TMPRSS15: variants seen among roughly 807,000 people sequenced by gnomAD.
TMPRSS15 encodes transmembrane serine protease 15.
Under a neutral mutation model 125.3 loss-of-function variants are expected in TMPRSS15, and 128 were observed. The observed-to-expected ratio is 1.02, with a 90% CI of 0.89 to 1.18. TMPRSS15 has a LOEUF of 1.18. Among genes scored for constraint, TMPRSS15 ranks in the 50% most tolerant of loss-of-function variants. TMPRSS15 has a pLI of 0.00. For missense variants in TMPRSS15, 1,283 were observed against 1,212.7 expected (o/e 1.06, Z -0.86); for synonymous variants, 446 against 423.2 (o/e 1.05, Z -0.66).
chr21:18,382,899 T>C (rs917846867), intron 4 of TMPRSS15, among the ~76,000 whole-genome samples: 1 of 152,210 alleles, frequency 6.6e-6, no homozygotes, highest in Non-Finnish European at 1.5e-5. Flanking sequence ...GTATTTTTTA[T>C]TATTTTTGAT....
intron 7 of TMPRSS15, among the ~76,000 whole-genome samples, chr21:18,362,792 T>C (rs1229849526): frequency 6.6e-6 from 1 of 152,144 alleles, no homozygotes; most frequent in East Asian, 1.9e-4. Context: ...ACATAGTATT[T>C]AGAGATGTGG....
chr21:18,357,599 C>A (rs1268683083), intron 8 of TMPRSS15, among the ~76,000 whole-genome samples: 2 of 151,674 alleles, frequency 1.3e-5, no homozygotes, highest in African/African-American at 2.4e-5. Context: ...TGAAAGCAAA[C>A]CTTGTAAGCA....
intron 1 of TMPRSS15, among the ~76,000 whole-genome samples, chr21:18,424,559 C>T (rs953629047): frequency 9.2e-5 from 14 of 152,086 alleles, no homozygotes. Context: ...TGTTGTTTTG[C>T]TTAAAATAAG....
rs779171766 is a variant in TMPRSS15 at position 18,294,399 on chromosome 21, A to G, written c.2357T>C (p.Val786Ala). Residue 786 changes from valine to alanine, a missense_variant, in exon 21 of 25, where the codon GTT becomes GCT. By Grantham distance (64) the Val-to-Ala change is moderately conservative. Transcript: ENST00000284885. ...CCCTTCTTTGGCATTACTTCCTCCA[A>G]CAATCTTTGGGGTGATGTCTTGAGC... The part of the protein sequence containing the change: ...LAAQDITPKI[V>A]GGSNAKEGAW... 21 of 1,614,132 alleles carry G rather than the reference A, an allele frequency of 1.3e-5. No individual in the cohort carries two copies. Among genetic ancestry groups the G allele is most frequent in the South Asian group, 3.3e-5 (3 of 91,090 alleles).
At chr21:18,430,464 G>A (rs918921362) in intron 1 of TMPRSS15, among the ~76,000 whole-genome samples, 2 of 151,870 alleles carry the variant, frequency 1.3e-5, no homozygotes, top group South Asian at 2.1e-4. Flanking sequence ...AATTCTATGG[G>A]GATAGATTCA....
At chr21:18,344,562 AAC>A (rs753291853) in intron 10 of TMPRSS15, among the ~76,000 whole-genome samples, 1 of 152,204 alleles carries the variant, frequency 6.6e-6, no homozygotes, top group Non-Finnish European at 1.5e-5. Context: ...CTTATTTTAA[AAC>A]AGTCTTATCT....
chr21:18,367,320 G>T (rs1299638516), intron 6 of TMPRSS15, among the ~76,000 whole-genome samples: 6 of 152,088 alleles, frequency 3.9e-5, no homozygotes, highest in Non-Finnish European at 7.4e-5. Flanking sequence ...GAAAATTAAG[G>T]CTAATTTGTC....
At chr21:18,483,500 T>G (rs1018451690) in intron 1 of TMPRSS15, among the ~76,000 whole-genome samples, 1 of 151,856 alleles carries the variant, frequency 6.6e-6, no homozygotes, top group African/African-American at 2.4e-5. Flanking sequence ...TGTAATTTCT[T>G]CCTTTGTAGT....
chr21:18,473,429 G>C (rs1978817746), intron 1 of TMPRSS15, among the ~76,000 whole-genome samples: 1 of 151,984 alleles, frequency 6.6e-6, no homozygotes, highest in East Asian at 1.9e-4. Context: ...GGAAAAGCAT[G>C]CTAAATAGAT....
chr21:18,439,713 A>C (rs1489190057), intron 1 of TMPRSS15, among the ~76,000 whole-genome samples: 1 of 152,190 alleles, frequency 6.6e-6, no homozygotes, highest in African/African-American at 2.4e-5. Flanking sequence ...TATAAATTAA[A>C]TTGGATTTAT....
intron 1 of TMPRSS15, among the ~76,000 whole-genome samples, chr21:18,454,900 CACACAAATTTA>C (rs889879140): frequency 6.6e-6 from 1 of 152,130 alleles, no homozygotes; most frequent in Non-Finnish European, 1.5e-5. Flanking sequence ...GTCAAGTTGA[CACACAAATTTA>C]ACTATCACAG....
At chr21:18,324,122 G>A (rs547375655) in intron 16 of TMPRSS15, among the ~76,000 whole-genome samples, 4 of 151,882 alleles carry the variant, frequency 2.6e-5, no homozygotes, top group South Asian at 4.2e-4. Context: ...AAGACTTCAC[G>A]ATTTTTCAGG....
At chr21:18,440,433 A>G (rs1478545223) in intron 1 of TMPRSS15, among the ~76,000 whole-genome samples, 1 of 151,256 alleles carries the variant, frequency 6.6e-6, no homozygotes, top group Non-Finnish European at 1.5e-5. Flanking sequence ...CAATATAAAG[A>G]GTCTATGTAA....
intron 5 of TMPRSS15, among the ~76,000 whole-genome samples, chr21:18,374,713 A>G: frequency 6.6e-6 from 1 of 152,156 alleles, no homozygotes; most frequent in East Asian, 1.9e-4. Flanking sequence ...CATAAAGGCA[A>G]TTGTTGGACC....
chr21:18,472,236 T>A (rs2123284043), intron 1 of TMPRSS15, among the ~76,000 whole-genome samples: 1 of 152,082 alleles, frequency 6.6e-6, no homozygotes, highest in Admixed American at 6.6e-5. Context: ...TTTTTTTTTG[T>A]TCTATGAGAA....
At chr21:18,398,066 A>T (rs1232995644) in intron 2 of TMPRSS15, 120 bp from the exon 3 acceptor site, 1 of 1,250,824 alleles carries the variant, frequency 8.0e-7, no homozygotes, top group Non-Finnish European at 1.2e-6. Flanking sequence ...TCTCCATAGT[A>T]ATGGGGCTCA....
chr21:18,469,094 C>A (rs569798723), intron 1 of TMPRSS15, among the ~76,000 whole-genome samples: 3 of 152,260 alleles, frequency 2.0e-5, no homozygotes, highest in Admixed American at 2.0e-4. Flanking sequence ...TATGTCCACC[C>A]GGCTAATATA....
intron 1 of TMPRSS15, among the ~76,000 whole-genome samples, chr21:18,431,208 T>C (rs2076215957): frequency 6.6e-6 from 1 of 152,186 alleles, no homozygotes; most frequent in Admixed American, 6.5e-5. Flanking sequence ...GCTACAAATG[T>C]CTTAAGAACC....
intron 13 of TMPRSS15, among the ~76,000 whole-genome samples, chr21:18,336,238 A>G (rs1168010020): frequency 6.6e-6 from 1 of 152,214 alleles, no homozygotes; most frequent in Non-Finnish European, 1.5e-5. Flanking sequence ...ATGGCAAAAC[A>G]AGAAATGAGA....
Sources: allele counts gnomAD v4.1 joint callset (sites outside exome capture counted in the v4.1 genomes callset), GRCh38; gene constraint gnomAD v4.1.1; transcripts MANE v1.5; gene names NCBI Gene and HGNC (gene_info 2026-07-23, HGNC 2026-07-21).